Variants in LPO observed in about 807,000 individuals in gnomAD.
LPO encodes lactoperoxidase, also known as salivary peroxidase.
In LPO, 70 loss-of-function variants were observed where a neutral mutation model predicts 68.4. The ratio of observed to expected loss-of-function variants is 1.02; its 90% CI spans 0.84 to 1.25. The LOEUF is 1.25. Ranked by LOEUF, LPO falls within the 50% of genes most tolerant of loss-of-function variation. LPO has a pLI of 0.00. For synonymous variants in LPO, 360 were observed against 357.6 expected, an observed-to-expected ratio of 1.01 and a Z score of -0.08; for missense variants, 873 against 908.4, an observed-to-expected ratio of 0.96 and a Z score of 0.50.
chr17:58,244,246 T>C (rs187770139), intron 3 of LPO, 165 bp downstream of exon 3: 1 of 629,422 alleles, frequency 1.6e-6, no homozygotes, highest in East Asian at 2.8e-5. Context: ...TCCAAGTACA[T>C]GACAAGTAGG....
At chr17:58,258,289 C>T (rs899672844) in intron 9 of LPO, among the ~76,000 whole-genome samples, 3 of 152,286 alleles carry the variant, frequency 2.0e-5, no homozygotes, top group African/African-American at 7.2e-5. Flanking sequence ...TTAGATTTGT[C>T]TTTAATCCAT....
At position 58,242,964 on chromosome 17, in the gene LPO, G is replaced by A. The variant is rs780259871; in HGVS notation, c.-2-14G>A. The A allele has an allele frequency of 1.4e-5, 22 of 1,612,448 alleles. No homozygotes were observed. The South Asian group carries it at 2.1e-4, about 15-fold the overall frequency. On this transcript the variant is annotated splice_polypyrimidine_tract_variant and intron_variant, in intron 1 of 12. Coordinates refer to ENST00000262290, the MANE Select transcript of LPO (RefSeq NM_006151.3). ...CTAGAGAGGCTCACAGTGTGATCCT[G>A]CATCTCGTTTCAGTGATGAGGGTCC...
In LPO at chr17:58,250,532, G is replaced by A. The variant is rs748658404; in HGVS notation, c.691G>A (p.Ala231Thr). ...GATTGTGGATCATGACCTGGACTTT[G>A]CCCCTGACACCGAGCTGGGGAGTAG... is the stretch of plus-strand genomic sequence containing the variant. ...GQIVDHDLDF[A>T]PDTELGSSEY... Residue 231 changes from alanine (A) to threonine (T), a missense_variant, in exon 7 of 13, where the codon GCC (alanine) becomes ACC (threonine). Ala to Thr is a moderately conservative substitution (Grantham distance 58). Transcript: ENST00000262290. 1.2e-6 allele frequency: 2 copies of A among 1,614,044 alleles called. No individual in the cohort carries two copies. Among genetic ancestry groups the A allele is most frequent in the African/African-American group, 2.7e-5 (2 of 74,886 alleles).
Position 58,249,650 on chromosome 17 carries a change from C to G in LPO, c.528C>G (p.Phe176Leu). ...AEYEDGLSLP[F>L]GWTPGKTRNG... The stretch of plus-strand genomic sequence containing the variant: ...ACGAGGACGGGCTCTCCCTGCCCTT[C>G]GGCTGGACGCCGGGGAAGACGCGCA... The change falls in exon 6 of 13, where the codon TTC becomes TTG. Residue 176 changes from phenylalanine to leucine, a missense_variant. Phe to Leu is a conservative substitution (Grantham distance 22). Coordinates refer to ENST00000262290, the MANE Select transcript of LPO (RefSeq NM_006151.3). 6.3e-7 allele frequency: 1 copy of G among 1,594,200 alleles called. No individual in the cohort carries two copies. The highest frequency in any genetic ancestry group is 8.5e-7 in the Non-Finnish European group (1 of 1,175,712).
At chr17:58,250,725 T>TACCAAATCAGTATCCCA in intron 7 of LPO, 104 bp downstream of exon 7, 5 of 1,225,158 alleles carry the variant, frequency 4.1e-6, no homozygotes, top group Non-Finnish European at 5.9e-6. Flanking sequence ...TCTGGGATAC[T>TACCAAATCAGTATCCCA]GATTTGGTAG....
chr17:58,254,150 T>TAG (rs755855332), intron 8 of LPO, among the ~76,000 whole-genome samples: 1,787 of 93,646 alleles, frequency 0.019, 11 homozygotes, highest in African/African-American at 0.036. Flanking sequence ...GATATATAGA[T>TAG]ATATAGATAG....
chr17:58,266,411 G>C (rs1189878109), intron 11 of LPO, 85 bp downstream of exon 11: 13 of 1,414,086 alleles, frequency 9.2e-6, no homozygotes, highest in Admixed American at 2.3e-5. Context: ...TAACCCTGAG[G>C]ATCTGATCAT....
intron 8 of LPO, 109 bp from the exon 9 acceptor site, chr17:58,254,702 G>T: frequency 1.9e-6 from 2 of 1,050,538 alleles, no homozygotes; most frequent in Non-Finnish European, 2.7e-6. Context: ...TGTTGACGGG[G>T]CGGGGGGGGC....
intron 9 of LPO, among the ~76,000 whole-genome samples, chr17:58,259,385 A>T (rs937916508): frequency 6.6e-5 from 10 of 152,170 alleles, no homozygotes; most frequent in African/African-American, 2.4e-4. Context: ...TTTCTTTGGT[A>T]AAAAATATTT....
intron 1 of LPO, among the ~76,000 whole-genome samples, chr17:58,241,125 CTTTTTT>C (rs1161572564): frequency 4.9e-4 from 45 of 91,278 alleles, no homozygotes; most frequent in South Asian, 3.8e-3. Flanking sequence ...TTTCTTTTTT[CTTTTTT>C]TTTTTTTTTT....
chr17:58,267,842 A>C lies in LPO; in HGVS notation c.1987A>C (p.Lys663Gln). The change falls in exon 13 of 13, where the codon AAA (lysine) becomes CAA (glutamine). Residue 663 changes from lysine to glutamine, a missense_variant. Transcript: ENST00000262290. ...FTNEQKDSLQ[K>Q]MSFSRLVCDN... Reference sequence around the variant, plus strand: ...GAACGAGCAGAAGGACTCTCTACAGAAAATGTCCTTCTCACGCCTTGTCTG... The same window carrying C: ...GAACGAGCAGAAGGACTCTCTACAGCAAATGTCCTTCTCACGCCTTGTCTG... 1.2e-6 allele frequency: 2 copies of C among 1,614,182 alleles called. No individual in the cohort carries two copies. The highest frequency in any genetic ancestry group is 1.7e-6 in the Non-Finnish European group (2 of 1,180,030).
rs771457662 is a variant in LPO at position 58,267,807 on chromosome 17, G to A, written c.1952G>A (p.Gly651Glu). The A allele has an allele frequency of 6.2e-7, 1 of 1,614,124 alleles. No homozygotes were observed. Residue 651 changes from glycine (G) to glutamate (E), a missense_variant, in exon 13 of 13, where the codon GGG becomes GAG. Physicochemically the swap from Gly to Glu is moderately conservative, Grantham distance 98 (BLOSUM62 -2). Coordinates refer to ENST00000262290, the MANE Select transcript of LPO (RefSeq NM_006151.3). ...TGCAGGTTCTGGTGGGAAAACCCTG[G>A]GGTCTTCACGAACGAGCAGAAGGAC... ...DGDRFWWENP[G>E]VFTNEQKDSL...
chr17:58,259,942 A>C (rs1279052981), intron 9 of LPO, among the ~76,000 whole-genome samples: 1 of 152,076 alleles, frequency 6.6e-6, no homozygotes. Flanking sequence ...CAGTCTCCTG[A>C]GTAGCTGGGA....
intron 5 of LPO, 114 bp from the exon 6 acceptor site, chr17:58,249,452 C>T (rs561805694): frequency 7.0e-7 from 1 of 1,436,022 alleles, no homozygotes; most frequent in East Asian, 2.4e-5. Flanking sequence ...TTGAGAGGCC[C>T]CCTTCTCTGC....
At chr17:58,251,775 G>A (rs1360970602) in intron 7 of LPO, 1 of 493,654 alleles carries the variant, frequency 2.0e-6, no homozygotes, top group Non-Finnish European at 4.0e-6. Context: ...TTTTTTTGAG[G>A]ACTGAGATGA....
intron 9 of LPO, among the ~76,000 whole-genome samples, chr17:58,257,022 G>A: frequency 1.0e-5 from 1 of 99,914 alleles, no homozygotes; most frequent in African/African-American, 4.2e-5. Context: ...TTTTGAGATA[G>A]AGTCTTGCTC....
At chr17:58,264,632 T>A in intron 9 of LPO, 90 bp from the exon 10 acceptor site, 1 of 1,412,394 alleles carries the variant, frequency 7.1e-7, no homozygotes, top group Non-Finnish European at 9.9e-7. Flanking sequence ...CAACAGCTCA[T>A]CACTCTTGGC....
At chr17:58,243,941 G>T (rs189672202) in intron 2 of LPO, 53 bp from the exon 3 acceptor site, 3 of 1,181,800 alleles carry the variant, frequency 2.5e-6, no homozygotes, top group Non-Finnish European at 1.3e-6. Context: ...AGAAGACATC[G>T]CAAAGGAGTG....
At chr17:58,256,990 C>CTTTTTTTTTTTTTTTTTTTTTT (rs1040765289) in intron 9 of LPO, among the ~76,000 whole-genome samples, 1 of 75,042 alleles carries the variant, frequency 1.3e-5, no homozygotes, top group Non-Finnish European at 2.4e-5. Context: ...AGGTCTTACT[C>CTTTTTTTTTTTTTTTTTTTTTT]TTTTTTTTTT....
Sources: allele counts gnomAD v4.1 joint callset (sites outside exome capture counted in the v4.1 genomes callset), GRCh38; gene constraint gnomAD v4.1.1; transcripts MANE v1.5; gene names NCBI Gene and HGNC (gene_info 2026-07-23, HGNC 2026-07-21).